Variants in CCNT2 observed in about 807,000 individuals in gnomAD.
The protein encoded by CCNT2 is cyclin T2, also known as cyclin-T2.
A neutral mutation model predicts 70.0 loss-of-function variants in CCNT2; 18 were observed. The observed-to-expected ratio is 0.26, with a 90% CI of 0.18 to 0.38. The LOEUF (loss-of-function observed/expected upper bound fraction) is 0.38. Among genes scored for constraint, CCNT2 ranks in the 10% least tolerant of loss-of-function variants. The probability of loss-of-function intolerance (pLI) is 1.00; values close to 1 mark genes in which losing one functional copy is unlikely to be tolerated. For missense variants in CCNT2, 734 were observed against 890.2 expected (o/e 0.82, Z 2.23); for synonymous variants, 334 against 313.3 (o/e 1.07, Z -0.70).
At chr2:134,929,653 CT>C (rs201467959) in intron 2 of CCNT2, among the ~76,000 whole-genome samples, 58,208 of 121,990 alleles carry the variant, frequency 0.48, 13,650 homozygotes, top group Middle Eastern at 0.8. Context: ...AAATAGATGC[CT>C]TTTTTTTTTT....
At chr2:134,931,262 C>CTTTTTGTTTTTTTTTTTTTTTTTTTTT (rs1680738247) in intron 2 of CCNT2, among the ~76,000 whole-genome samples, 1 of 42,418 alleles carries the variant, frequency 2.4e-5, no homozygotes, top group Non-Finnish European at 4.2e-5. Context: ...ATGCCCGGAT[C>CTTTTTGTTTTTTTTTTTTTTTTTTTTT]TTTTTTTTTT....
intron 2 of CCNT2, among the ~76,000 whole-genome samples, chr2:134,928,304 G>GTTTTTTTTTTTTTT (rs1680456120): frequency 1.0e-5 from 1 of 97,710 alleles, no homozygotes; most frequent in African/African-American, 4.0e-5. Flanking sequence ...CTGAGACGGA[G>GTTTTTTTTTTTTTT]TTTCATTCTT....
intron 3 of CCNT2, among the ~76,000 whole-genome samples, chr2:134,938,405 T>G (rs1407278838): frequency 3.9e-5 from 6 of 152,240 alleles, no homozygotes; most frequent in Non-Finnish European, 8.8e-5. Context: ...TTCATATCCT[T>G]TATTTCCAGA....
rs369498015 is a variant in CCNT2 at position 134,948,489 on chromosome 2, A to G, written c.703+590A>G. On this transcript the variant is annotated intron_variant, in intron 7 of 8. Transcript: ENST00000264157. ...AGTAAACGAAAGGGATTTTCAGGGG[A>G]TTGTGTTTCTTGCTCTGTATTACCA... is the stretch of plus-strand genomic sequence containing the variant. Among the ~76,000 whole-genome samples, 29 of 152,286 alleles carry G rather than the reference A, an allele frequency of 1.9e-4. 1 individual carries two copies. Among genetic ancestry groups the G allele is most frequent in the African/African-American group, 7.0e-4 (29 of 41,566 alleles).
At position 134,956,861 on chromosome 2, in the gene CCNT2, G is replaced by C. The variant is rs1411520753; in HGVS notation, c.*2213G>C. ...TGAATCTTCATTGGTGCTAATGATG[G>C]ACAGTTAAAAAGATAGCTAGTGTAT... On this transcript the variant is annotated 3_prime_UTR_variant, in exon 9 of 9. Coordinates refer to ENST00000264157, the MANE Select transcript of CCNT2 (RefSeq NM_058241.3). The C allele has an allele frequency of 6.6e-6, 1 of 152,554 alleles. No homozygotes were observed. The highest frequency in any genetic ancestry group is 1.5e-5 in the Non-Finnish European group (1 of 67,992). 9.5% of individuals were successfully genotyped at this position (152,554 alleles called of 1,614,324 possible).
At chr2:134,933,830 T>G (rs1680960185) in intron 2 of CCNT2, among the ~76,000 whole-genome samples, 1 of 152,224 alleles carries the variant, frequency 6.6e-6, no homozygotes, top group Admixed American at 6.5e-5. Flanking sequence ...GGAGCACTAT[T>G]CTAAGTCCTG....
Position 134,946,143 on chromosome 2 carries a change from A to G in CCNT2, c.536A>G (p.Asn179Ser), listed in dbSNP as rs1214577684. ...CAGACATCCTATTTCATGGCTACCA[A>G]CAGGTTGTTATCCTGACCCTCTTTG... ...LAQTSYFMATNSLHLTTFCLQ... is the reference protein window; with the variant it reads ...LAQTSYFMATSSLHLTTFCLQ... Residue 179 changes from asparagine to serine, a missense_variant, in exon 6 of 9, where the codon AAC becomes AGC. Physicochemically the swap from Asn to Ser is conservative, Grantham distance 46. Transcript: ENST00000264157. 1 of 1,612,154 alleles carries G rather than the reference A, an allele frequency of 6.2e-7. No individual in the cohort carries two copies. The highest frequency in any genetic ancestry group is 1.3e-5 in the African/African-American group (1 of 74,766).
At chr2:134,930,193 TTC>T (rs1445343258) in intron 2 of CCNT2, among the ~76,000 whole-genome samples, 1 of 152,214 alleles carries the variant, frequency 6.6e-6, no homozygotes, top group Non-Finnish European at 1.5e-5. Flanking sequence ...CTAAATTATT[TTC>T]TGTCTCCATA....
intron 5 of CCNT2, chr2:134,945,048 T>C (rs1681851877): frequency 1.0e-6 from 1 of 985,466 alleles, no homozygotes; most frequent in African/African-American, 1.7e-5. Flanking sequence ...CCTTCACTTC[T>C]GTGATTTCTC....
chr2:134,953,137 A>G (rs1682652602), intron 8 of CCNT2, 93 bp from the exon 9 acceptor site: 4 of 815,206 alleles, frequency 4.9e-6, no homozygotes, highest in East Asian at 2.7e-5. Context: ...TGTTTAATAT[A>G]TAATGTTTTT....
At chr2:134,944,805 ATTCTC>A (rs1335040883) in intron 5 of CCNT2, 2 of 985,178 alleles carry the variant, frequency 2.0e-6, no homozygotes, top group Admixed American at 6.1e-5. Flanking sequence ...TTTCCCCTCT[ATTCTC>A]TGTTGCACAG....
chr2:134,953,964 G>A lies in CCNT2; in HGVS notation c.1509G>A (p.Gly503=), dbSNP rs750439976. ...TGGCAGACAAAAAGGAAAAGAGTGG[G>A]TCACTGAAATTACGGATTCCAATAC... is the stretch of plus-strand genomic sequence containing the variant. ...KYMADKKEKS[G]SLKLRIPIPP... Residue 503 remains glycine (G), a synonymous_variant, in exon 9 of 9, where the codon GGG becomes GGA. Transcript: ENST00000264157. 3 of 1,614,056 alleles carry A rather than the reference G, an allele frequency of 1.9e-6. No individual in the cohort carries two copies. The highest frequency in any genetic ancestry group is 2.5e-6 in the Non-Finnish European group (3 of 1,179,968).
intron 5 of CCNT2, chr2:134,944,940 A>C (rs143443611): frequency 1.0e-6 from 1 of 985,202 alleles, no homozygotes; most frequent in East Asian, 1.1e-4. Context: ...GGGGAAAATA[A>C]ATTTGATTTC....
intron 5 of CCNT2, chr2:134,944,556 A>T: frequency 1.0e-6 from 1 of 970,446 alleles, no homozygotes; most frequent in Non-Finnish European, 1.2e-6. Flanking sequence ...TAAAACATTT[A>T]CAAAAACTAC....
At chr2:134,951,387 T>C (rs1406305214) in intron 7 of CCNT2, among the ~76,000 whole-genome samples, 1 of 152,222 alleles carries the variant, frequency 6.6e-6, no homozygotes, top group Non-Finnish European at 1.5e-5. Context: ...TAACTATTAA[T>C]GACATTATTA....
rs759269267 is a variant in CCNT2, at chr2:134,955,042, A to G, written c.*394A>G. 7.5e-5 allele frequency: 13 copies of G among 172,634 alleles called. No homozygotes were observed. The highest frequency in any genetic ancestry group is 1.5e-4 in the Non-Finnish European group (12 of 78,992). The allele number at this position is 172,634 out of a possible 1,614,324, so 10.7% of individuals were successfully genotyped here. ...AAATTGTTTTCTTTTGTGTATTTAT[A>G]CTTGTATGTATGATTTGCATGTTTC... is the stretch of plus-strand genomic sequence containing the variant. On this transcript the variant is annotated 3_prime_UTR_variant, in exon 9 of 9. Transcript: ENST00000264157.
rs1174822198 is a variant in CCNT2, at chr2:134,953,431, C to G, written c.976C>G (p.His326Asp). The G allele has an allele frequency of 6.2e-7, 1 of 1,611,758 alleles. No individual in the cohort carries two copies. The highest frequency in any genetic ancestry group is 1.3e-5 in the African/African-American group (1 of 74,714). Reference sequence around the variant, plus strand: ...AGGAAATATTTCTGTTCAAGACAGCCATACATCTGATAATTTGTCAATGCT... The same window carrying G: ...AGGAAATATTTCTGTTCAAGACAGCGATACATCTGATAATTTGTCAATGCT... ...NSGNISVQDS[H>D]TSDNLSMLAT... is the part of the protein sequence containing the mutation. Residue 326 changes from histidine (H) to aspartate (D), a missense_variant, in exon 9 of 9, where the codon CAT becomes GAT. By Grantham distance (81) the His-to-Asp change is moderately conservative (BLOSUM62 -1). This residue lies in a region of CCNT2 where 532 missense variants were observed against 556.9 expected (regional missense o/e 0.96). Transcript: ENST00000264157.
chr2:134,941,342 T>G (rs538637398), intron 4 of CCNT2, among the ~76,000 whole-genome samples: 3 of 152,368 alleles, frequency 2.0e-5, no homozygotes, highest in Admixed American at 6.5e-5. Context: ...CTCTTCCTTA[T>G]GATTTTCTTA....
At chr2:134,939,282 T>A (rs1681387819) in intron 4 of CCNT2, among the ~76,000 whole-genome samples, 1 of 152,112 alleles carries the variant, frequency 6.6e-6, no homozygotes, top group Non-Finnish European at 1.5e-5. Context: ...TCAGTATGAT[T>A]TCTTAGGTTT....
Sources: gnomAD v4.1 joint callset for allele counts (sites outside exome capture counted in the v4.1 genomes callset) on GRCh38, gnomAD v4.1.1 for gene constraint, gnomAD v4.1.1 regional missense constraint, MANE v1.5 for transcripts, NCBI Gene and HGNC (gene_info 2026-07-23, HGNC 2026-07-21) for gene names.